RASA3: variants seen among roughly 807,000 people sequenced by gnomAD.
The protein encoded by RASA3 is ras GTPase-activating protein 3.
Under a neutral mutation model 110.0 loss-of-function variants are expected in RASA3, and 73 were observed. The observed-to-expected ratio is 0.66, with a 90% confidence interval of 0.55 to 0.81. The LOEUF (loss-of-function observed/expected upper bound fraction) is 0.81. Ranked by LOEUF, RASA3 falls within the 30% of genes least tolerant of loss-of-function variation. The pLI, the probability that RASA3 is intolerant of heterozygous loss-of-function variation, is 0.00. For missense variants in RASA3, 976 were observed against 1,113.2 expected (o/e 0.88, Z 1.75); for synonymous variants, 500 against 451.4 (o/e 1.11, Z -1.37).
At chr13:114,033,470 C>T (rs12018586) in intron 4 of RASA3, among the ~76,000 whole-genome samples, 953 of 8,352 alleles carry the variant, frequency 0.11, 10 homozygotes, top group African/African-American at 0.23. Flanking sequence ...ACTGACACCA[C>T]GCCCCACGGC....
At chr13:113,991,987 ACACATTCACACATGCTCACACATGTC>A (rs1309453376) in intron 22 of RASA3, among the ~76,000 whole-genome samples, 12 of 152,046 alleles carry the variant, frequency 7.9e-5, no homozygotes, top group South Asian at 2.1e-4. Context: ...ACACGTGTCC[ACACATTCACACATGCTCACACATGTC>A]CACATTCACA....
intron 2 of RASA3, among the ~76,000 whole-genome samples, chr13:114,070,963 ACGTGGG>A (rs2079561690): frequency 9.5e-6 from 1 of 105,230 alleles, no homozygotes; most frequent in Non-Finnish European, 1.8e-5. Flanking sequence ...ACAGTGTTAC[ACGTGGG>A]CAGGGCTGCC....
intron 1 of RASA3, among the ~76,000 whole-genome samples, chr13:114,119,094 C>T (rs1594476082): frequency 6.6e-6 from 1 of 151,890 alleles, no homozygotes; most frequent in East Asian, 1.9e-4. Flanking sequence ...GCTCTTTTCC[C>T]CGGCCTGGGA....
rs566931585 is a variant in RASA3 at position 114,033,711 on chromosome 13, C to T, written c.373-3824G>A. On this transcript the variant is annotated intron_variant, in intron 4 of 23. Transcript: ENST00000334062. Reference sequence around the variant, plus strand: ...ACCCCCACACTTGACCCAGCGCTCACAGGGGGAATGGAACTGGGTCTGTGC... The same window carrying T: ...ACCCCCACACTTGACCCAGCGCTCATAGGGGGAATGGAACTGGGTCTGTGC... Among the ~76,000 whole-genome samples the T allele has an allele frequency of 2.6e-5, 4 of 152,324 alleles. No individual in the cohort carries two copies. The East Asian group carries it at 7.7e-4, about 29-fold the overall frequency.
chr13:114,024,184 T>C (rs2053984227), intron 8 of RASA3, 95 bp downstream of exon 8: 1 of 1,185,540 alleles, frequency 8.4e-7, no homozygotes, highest in South Asian at 1.3e-5. Flanking sequence ...AATTCATTTC[T>C]ATCTATGACC....
intron 22 of RASA3, among the ~76,000 whole-genome samples, chr13:113,984,025 CCCATCCGT>C (rs1156246860): frequency 2.3e-5 from 2 of 88,544 alleles, no homozygotes; most frequent in African/African-American, 6.8e-5. Context: ...CCATCACTCA[CCCATCCGT>C]CCATCCACCC....
At chr13:114,072,253 TC>T (rs2079584439) in intron 2 of RASA3, among the ~76,000 whole-genome samples, 4 of 151,954 alleles carry the variant, frequency 2.6e-5, no homozygotes. Context: ...ACTGCAGTGG[TC>T]CTCCGAGTAC....
At chr13:114,088,150 G>A (rs1026169299) in intron 1 of RASA3, among the ~76,000 whole-genome samples, 4 of 151,892 alleles carry the variant, frequency 2.6e-5, no homozygotes, top group African/African-American at 9.7e-5. Flanking sequence ...TAAAAGGAAA[G>A]AGAGACACAT....
chr13:114,002,208 T>C (rs1391312135), intron 18 of RASA3, among the ~76,000 whole-genome samples: 1 of 152,096 alleles, frequency 6.6e-6, no homozygotes, highest in African/African-American at 2.4e-5. Context: ...GAGACGCACC[T>C]CGACAAGCGC....
chr13:114,019,663 GATCCCCCCT>G (rs2053874852), intron 9 of RASA3, among the ~76,000 whole-genome samples: 1 of 147,348 alleles, frequency 6.8e-6, no homozygotes, highest in Non-Finnish European at 1.5e-5. Flanking sequence ...CGAGGCATTA[GATCCCCCCT>G]CAGATGGATA....
intron 22 of RASA3, among the ~76,000 whole-genome samples, chr13:113,990,747 G>A (rs1373748346): frequency 6.6e-6 from 1 of 152,258 alleles, no homozygotes; most frequent in Non-Finnish European, 1.5e-5. Context: ...ACATGGGCCT[G>A]CACATGTGAG....
At chr13:114,000,385 T>A (rs930255746) in intron 19 of RASA3, among the ~76,000 whole-genome samples, 1 of 152,074 alleles carries the variant, frequency 6.6e-6, no homozygotes, top group East Asian at 1.9e-4. Context: ...CCAGAACATG[T>A]TCCCGTTCTG....
At chr13:114,012,429 C>G (rs868698251) in intron 15 of RASA3, among the ~76,000 whole-genome samples, 3 of 147,924 alleles carry the variant, frequency 2.0e-5, no homozygotes. Context: ...CCATTCCACA[C>G]GTCTTCCACA....
intron 1 of RASA3, among the ~76,000 whole-genome samples, chr13:114,078,521 T>A (rs530595893): frequency 6.6e-6 from 1 of 152,182 alleles, no homozygotes; most frequent in Non-Finnish European, 1.5e-5. Flanking sequence ...CTAAAACATA[T>A]GCGGTGTGTT....
chr13:114,016,320 A>G, intron 12 of RASA3, 49 bp from the exon 13 acceptor site: 1 of 1,393,256 alleles, frequency 7.2e-7, no homozygotes, highest in Non-Finnish European at 1.0e-6. Flanking sequence ...CTGGGGGCAC[A>G]GGCAGGGAGG....
chr13:114,037,913 C>T (rs903987258), intron 4 of RASA3, among the ~76,000 whole-genome samples: 6 of 150,324 alleles, frequency 4.0e-5, no homozygotes, highest in Admixed American at 6.6e-5. Flanking sequence ...GCCGTCCGTT[C>T]GGGGGAGCCG....
intron 1 of RASA3, among the ~76,000 whole-genome samples, chr13:114,090,230 C>T (rs925794254): frequency 2.0e-5 from 3 of 152,356 alleles, no homozygotes; most frequent in Middle Eastern, 3.4e-3. Context: ...TGCCCAGGGC[C>T]GTGCCTTCAC....
chr13:114,046,855 T>C (rs9525352), intron 3 of RASA3, among the ~76,000 whole-genome samples: 54,001 of 152,134 alleles, frequency 0.35, 9,859 homozygotes, highest in Middle Eastern at 0.48. Flanking sequence ...CAGCCAAGGG[T>C]GCCGGAACAA....
At chr13:114,055,277 G>A (rs890592581) in intron 2 of RASA3, among the ~76,000 whole-genome samples, 2 of 152,268 alleles carry the variant, frequency 1.3e-5, no homozygotes, top group African/African-American at 4.8e-5. Context: ...GGGTGCACAT[G>A]TACACAAAGG....
Sources: allele counts gnomAD v4.1 joint callset (sites outside exome capture counted in the v4.1 genomes callset), GRCh38; gene constraint gnomAD v4.1.1; transcripts MANE v1.5; gene names NCBI Gene and HGNC (gene_info 2026-07-23, HGNC 2026-07-21).